Variants in BTRC observed in about 807,000 individuals in gnomAD.
BTRC encodes beta-transducin repeat containing E3 ubiquitin protein ligase.
Under a neutral mutation model 85.5 loss-of-function variants are expected in BTRC, and 42 were observed. The ratio of observed to expected loss-of-function variants is 0.49; its 90% confidence interval spans 0.38 to 0.64. The LOEUF (loss-of-function observed/expected upper bound fraction) is 0.64. BTRC is among the 30% of genes least tolerant of loss of function. The pLI, the probability that BTRC is intolerant of heterozygous loss-of-function variation, is 0.00. For missense variants in BTRC, 594 were observed against 743.5 expected (o/e 0.80, Z 2.34); for synonymous variants, 255 against 263.3 (o/e 0.97, Z 0.30).
intron 3 of BTRC, among the ~76,000 whole-genome samples, chr10:101,471,526 T>C (rs1490882494): frequency 6.6e-6 from 1 of 152,248 alleles, no homozygotes; most frequent in African/African-American, 2.4e-5. Flanking sequence ...TGTGAGGTAC[T>C]GGTTTGCAGT....
At chr10:101,415,958 T>C (rs10883646) in intron 1 of BTRC, among the ~76,000 whole-genome samples, 54,917 of 152,096 alleles carry the variant, frequency 0.36, 11,012 homozygotes, top group Middle Eastern at 0.48. Flanking sequence ...TCCCTGCTTG[T>C]AGCACAGGAG....
At chr10:101,548,273 A>G (rs1478186545) in intron 13 of BTRC, among the ~76,000 whole-genome samples, 1 of 152,244 alleles carries the variant, frequency 6.6e-6, no homozygotes, top group African/African-American at 2.4e-5. Context: ...AGACACGTAC[A>G]TAAATGTTCC....
rs1482374733 is a variant in BTRC, at chr10:101,366,788, A to ATATATT, written c.48+12561_48+12562insATATTT. ...TAGTTATATATATATATATATATATATTTTTACATTTATATATATATTTAT... is the reference window on the plus strand; with the variant it reads ...TAGTTATATATATATATATATATATATATATTTTTTTACATTTATATATATATTTAT... On this transcript the variant is annotated intron_variant, in intron 1 of 14. Transcript: ENST00000370187. 1.9e-4 allele frequency among the ~76,000 whole-genome samples: 13 copies of ATATATT among 68,860 alleles called. 1 individual carries two copies. The highest frequency in any genetic ancestry group is 3.5e-4 in the East Asian group (1 of 2,820). 45.2% of individuals were successfully genotyped at this position (68,860 alleles called of 152,430 possible).
chr10:101,481,101 G>C (rs543303450), intron 4 of BTRC, among the ~76,000 whole-genome samples: 2 of 151,912 alleles, frequency 1.3e-5, no homozygotes, highest in East Asian at 3.9e-4. Context: ...TTTGGTTTTC[G>C]GTTTTTTAGA....
intron 4 of BTRC, among the ~76,000 whole-genome samples, chr10:101,483,575 A>G (rs759194582): frequency 6.6e-6 from 1 of 152,160 alleles, no homozygotes; most frequent in Non-Finnish European, 1.5e-5. Context: ...CCTGGGCGAC[A>G]GAGTGAGACT....
chr10:101,457,283 G>A (rs977836196), intron 2 of BTRC, among the ~76,000 whole-genome samples: 1 of 152,170 alleles, frequency 6.6e-6, no homozygotes, highest in Non-Finnish European at 1.5e-5. Context: ...GGTTACTACT[G>A]ACCCTTTGAC....
chr10:101,398,371 C>T (rs1943416076), intron 1 of BTRC, among the ~76,000 whole-genome samples: 1 of 151,918 alleles, frequency 6.6e-6, no homozygotes, highest in Admixed American at 6.6e-5. Flanking sequence ...GGCGCGATCT[C>T]AGCTCGCTGC....
rs536083946 is a variant in BTRC at position 101,369,791 on chromosome 10, G to A, written c.48+15563G>A. 4.3e-4 allele frequency among the ~76,000 whole-genome samples: 65 copies of A among 152,266 alleles called. 1 individual carries two copies. In the Middle Eastern group the frequency reaches 0.017, roughly 40 times the overall value. On this transcript the variant is annotated intron_variant, in intron 1 of 14. Coordinates refer to ENST00000370187, the MANE Select transcript of BTRC (RefSeq NM_033637.4). ...ATTCCAGTCTAATACCACAGGGTTC[G>A]TTCGATAATTTCATAATTGTAACTC... is the stretch of plus-strand genomic sequence containing the variant.
chr10:101,421,021 C>T (rs1944086415), intron 1 of BTRC, among the ~76,000 whole-genome samples: 1 of 150,292 alleles, frequency 6.7e-6, no homozygotes, highest in African/African-American at 2.5e-5. Context: ...TTTACTATCA[C>T]ATCAGATTCA....
At chr10:101,404,624 A>G (rs764648305) in intron 1 of BTRC, among the ~76,000 whole-genome samples, 4 of 152,104 alleles carry the variant, frequency 2.6e-5, no homozygotes, top group Admixed American at 6.5e-5. Flanking sequence ...TTGCAGTTCT[A>G]TTGAGATATA....
chr10:101,371,383 G>A (rs890537062), intron 1 of BTRC, among the ~76,000 whole-genome samples: 1 of 151,988 alleles, frequency 6.6e-6, no homozygotes, highest in Non-Finnish European at 1.5e-5. Context: ...CACCATGTTG[G>A]CCAGGCTGGT....
intron 1 of BTRC, among the ~76,000 whole-genome samples, chr10:101,406,238 G>A (rs1264933721): frequency 2.0e-5 from 3 of 150,550 alleles, no homozygotes; most frequent in Admixed American, 6.6e-5. Flanking sequence ...GTGCAGTGGC[G>A]CTATCTCAGC....
chr10:101,542,042 G>A (rs1333516652), intron 13 of BTRC, among the ~76,000 whole-genome samples: 1 of 152,138 alleles, frequency 6.6e-6, no homozygotes, highest in African/African-American at 2.4e-5. Flanking sequence ...GAAGCATCTA[G>A]ACCTGGAATT....
chr10:101,400,456 A>G (rs1431175433), intron 1 of BTRC, among the ~76,000 whole-genome samples: 5 of 152,198 alleles, frequency 3.3e-5, no homozygotes, highest in African/African-American at 1.2e-4. Context: ...CCTCTCCTTA[A>G]GAAGAAAGCT....
intron 4 of BTRC, among the ~76,000 whole-genome samples, chr10:101,500,824 G>GT (rs1946381844): frequency 6.6e-6 from 1 of 152,170 alleles, no homozygotes; most frequent in African/African-American, 2.4e-5. Flanking sequence ...AAATTCAATT[G>GT]TTTAAGAAAA....
At chr10:101,536,983 T>C (rs2062396411) in intron 12 of BTRC, among the ~76,000 whole-genome samples, 1 of 152,170 alleles carries the variant, frequency 6.6e-6, no homozygotes, top group African/African-American at 2.4e-5. Context: ...GGGTAACCTG[T>C]TAACAAAACA....
At chr10:101,467,269 T>A (rs890985844) in intron 3 of BTRC, among the ~76,000 whole-genome samples, 4 of 151,414 alleles carry the variant, frequency 2.6e-5, no homozygotes, top group Admixed American at 2.0e-4. Context: ...ATTCCCTTCT[T>A]TCTGATTTGA....
chr10:101,405,021 C>G (rs981148192), intron 1 of BTRC, among the ~76,000 whole-genome samples: 2 of 145,136 alleles, frequency 1.4e-5, no homozygotes, highest in African/African-American at 5.1e-5. Flanking sequence ...AAAAAAAAGT[C>G]TATGCCTTAC....
At chr10:101,417,571 A>G (rs12263352) in intron 1 of BTRC, among the ~76,000 whole-genome samples, 4,119 of 152,242 alleles carry the variant, frequency 0.027, 194 homozygotes, top group African/African-American at 0.091. Context: ...CCCACTATAG[A>G]ATTAACTTTA....
Sources: gnomAD v4.1 joint callset for allele counts (sites outside exome capture counted in the v4.1 genomes callset) on GRCh38, gnomAD v4.1.1 for gene constraint, MANE v1.5 for transcripts, NCBI Gene and HGNC (gene_info 2026-07-23, HGNC 2026-07-21) for gene names.